ABLIM2: variants seen among roughly 807,000 people sequenced by gnomAD.
The protein encoded by ABLIM2 is actin-binding LIM protein 2.
A neutral mutation model predicts 97.7 loss-of-function variants in ABLIM2; 53 were observed. The observed-to-expected ratio is 0.54, with a 90% CI of 0.44 to 0.68. The LOEUF is 0.68. Ranked by LOEUF, ABLIM2 falls within the 30% of genes least tolerant of loss-of-function variation. The pLI is 0.00. For synonymous variants in ABLIM2, 361 were observed against 345.8 expected (o/e 1.04, Z -0.49); for missense variants, 835 against 867.2 (o/e 0.96, Z 0.47).
chr4:8,120,100 C>T lies in ABLIM2; in HGVS notation c.11-13463G>A, dbSNP rs564415778. Among the ~76,000 whole-genome samples, 75 of 152,266 alleles carry T rather than the reference C, an allele frequency of 4.9e-4. No homozygotes were observed. The highest frequency in any genetic ancestry group is 1.7e-3 in the African/African-American group (71 of 41,538). Reference sequence around the variant, plus strand: ...CGGGCGGCAGGGTCCCTGGCGGCCCCCAGAGCCTGAGAGGAGCCTCTCCTC... The same window carrying T: ...CGGGCGGCAGGGTCCCTGGCGGCCCTCAGAGCCTGAGAGGAGCCTCTCCTC... On this transcript the variant is annotated intron_variant, in intron 1 of 20. Transcript: ENST00000447017. The surrounding 1 kb of genome is among the most constrained non-coding windows in gnomAD (Gnocchi z 5.6).
rs888217540 is a variant in ABLIM2 at position 8,125,878 on chromosome 4, C to G, written c.11-19241G>C. On this transcript the variant is annotated intron_variant, in intron 1 of 20. Transcript: ENST00000447017. The surrounding 1 kb of genome is among the most constrained non-coding windows in gnomAD (Gnocchi z 6.2). The stretch of plus-strand genomic sequence containing the variant: ...CTGGGCAGGAGGGCGAACTCACACT[C>G]GGCTGTGCGTGGGCAGCCTTGGGGG... 6.6e-6 allele frequency among the ~76,000 whole-genome samples: 1 copy of G among 152,210 alleles called. No individual in the cohort carries two copies. The highest frequency in any genetic ancestry group is 1.5e-5 in the Non-Finnish European group (1 of 68,034).
In ABLIM2 at chr4:8,130,987, T is replaced by G. The variant is rs1040531073; in HGVS notation, c.11-24350A>C. The stretch of plus-strand genomic sequence containing the variant: ...ACCTCGCCCTGCTCTTGGGGCAGCC[T>G]GCATTTCCTGGTGATGGCAGCATCA... On this transcript the variant is annotated intron_variant, in intron 1 of 20. Transcript: ENST00000447017. This position sits in a 1 kb window ranked among gnomAD's most constrained non-coding sequence, Gnocchi z 4.2. Among the ~76,000 whole-genome samples the G allele has an allele frequency of 6.6e-6, 1 of 152,136 alleles. No individual in the cohort carries two copies. Among genetic ancestry groups the G allele is most frequent in the African/African-American group, 2.4e-5 (1 of 41,422 alleles).
At chr4:8,092,218 G>A (rs1232333348) in intron 3 of ABLIM2, among the ~76,000 whole-genome samples, 3 of 151,580 alleles carry the variant, frequency 2.0e-5, no homozygotes, top group Admixed American at 6.6e-5. Context: ...GGCTGGTCTC[G>A]AACTCCTGAC....
At chr4:8,045,553 G>A (rs1791764878) in intron 8 of ABLIM2, among the ~76,000 whole-genome samples, 1 of 152,190 alleles carries the variant, frequency 6.6e-6, no homozygotes, top group Non-Finnish European at 1.5e-5. Flanking sequence ...GGAGGCTGAG[G>A]CAGGAGAATC....
chr4:8,146,575 T>G (rs1412336070), intron 1 of ABLIM2, among the ~76,000 whole-genome samples: 11 of 152,236 alleles, frequency 7.2e-5, no homozygotes, highest in Admixed American at 2.0e-4. Context: ...GGTCTCACCG[T>G]GCCACCCAGG....
chr4:8,029,235 CTT>C (rs962054843), intron 11 of ABLIM2, among the ~76,000 whole-genome samples: 1 of 152,242 alleles, frequency 6.6e-6, no homozygotes, highest in African/African-American at 2.4e-5. Flanking sequence ...CCACCACTGA[CTT>C]TGCTTTCCCA....
At chr4:8,006,937 T>G in intron 16 of ABLIM2, 1 of 768,944 alleles carries the variant, frequency 1.3e-6, no homozygotes, top group Non-Finnish European at 1.6e-6. Context: ...GGGATCCTGG[T>G]ATTTACAAAG....
intron 1 of ABLIM2, among the ~76,000 whole-genome samples, chr4:8,107,887 C>T (rs1362069786): frequency 6.6e-6 from 1 of 152,166 alleles, no homozygotes; most frequent in South Asian, 2.1e-4. Flanking sequence ...GGAGGCGTGA[C>T]TGTGGAAGAA....
intron 17 of ABLIM2, among the ~76,000 whole-genome samples, chr4:7,985,360 T>C (rs527733819): frequency 2.0e-5 from 3 of 152,200 alleles, no homozygotes; most frequent in Non-Finnish European, 4.4e-5. Context: ...TAGAACCTGC[T>C]GTCCCAGGTG....
Position 7,996,451 on chromosome 4 carries a change from C to T in ABLIM2, c.1619-3524G>A, listed in dbSNP as rs116477842. ...CCGGTCTCAACTTTTAACCACTTCA[C>T]ATGCAGGTGGAAACCTTGCTTCCGC... is the stretch of plus-strand genomic sequence containing the variant. On this transcript the variant is annotated intron_variant, in intron 16 of 20. Transcript: ENST00000447017. This position sits in a 1 kb window ranked among gnomAD's most constrained non-coding sequence, Gnocchi z 4.5. Among the ~76,000 whole-genome samples, 1,012 of 152,320 alleles carry T rather than the reference C, an allele frequency of 6.6e-3. 10 individuals carry two copies. Among genetic ancestry groups the T allele is most frequent in the African/African-American group, 0.023 (967 of 41,582 alleles).
rs572870790 is a variant in ABLIM2, at chr4:8,125,278, C to T, written c.11-18641G>A. On this transcript the variant is annotated intron_variant, in intron 1 of 20. Transcript: ENST00000447017. This position sits in a 1 kb window ranked among gnomAD's most constrained non-coding sequence, Gnocchi z 6.2. ...GGGCTTTGGTGTCTTTTCTAAGAAA[C>T]CATCGCCTGATCCACCGTCATGAAG... Among the ~76,000 whole-genome samples the T allele has an allele frequency of 3.9e-5, 6 of 152,300 alleles. No individual in the cohort carries two copies. Among genetic ancestry groups the T allele is most frequent in the African/African-American group, 1.4e-4 (6 of 41,570 alleles).
intron 20 of ABLIM2, among the ~76,000 whole-genome samples, chr4:7,973,982 C>T (rs1730481308): frequency 6.6e-6 from 1 of 152,220 alleles, no homozygotes; most frequent in Admixed American, 6.5e-5. Flanking sequence ...CTCATGAAGT[C>T]TGTTGGCAGC....
intron 10 of ABLIM2, among the ~76,000 whole-genome samples, 171 bp from the exon 11 acceptor site, chr4:8,029,947 G>A (rs1779818570): frequency 6.6e-6 from 1 of 152,210 alleles, no homozygotes; most frequent in Non-Finnish European, 1.5e-5. Context: ...GAAGAGCCGA[G>A]TGGGGCTGGT....
intron 1 of ABLIM2, among the ~76,000 whole-genome samples, chr4:8,151,700 T>A (rs750403776): frequency 4.0e-5 from 6 of 151,896 alleles, no homozygotes; most frequent in Non-Finnish European, 8.8e-5. Context: ...TTTTTACAGA[T>A]GGGTACACTG....
At chr4:8,000,697 G>C (rs543520447) in intron 16 of ABLIM2, among the ~76,000 whole-genome samples, 1 of 152,258 alleles carries the variant, frequency 6.6e-6, no homozygotes, top group African/African-American at 2.4e-5. Context: ...TGCTGCTCAG[G>C]GAGCTGTCCC....
At position 8,069,381 on chromosome 4, in the gene ABLIM2, C is replaced by T. The variant is rs1810231650; in HGVS notation, c.675+8247G>A. 6.6e-6 allele frequency among the ~76,000 whole-genome samples: 1 copy of T among 152,252 alleles called. No individual in the cohort carries two copies. Among genetic ancestry groups the T allele is most frequent in the Admixed American group, 6.5e-5 (1 of 15,290 alleles). ...CGCCTGTGGATGTTCACACGCACTGCAGCGTGTCCAGGCTCGGAGGGTCCC... is the reference window on the plus strand; with the variant it reads ...CGCCTGTGGATGTTCACACGCACTGTAGCGTGTCCAGGCTCGGAGGGTCCC... On this transcript the variant is annotated intron_variant, in intron 6 of 20. Transcript: ENST00000447017. This position sits in a 1 kb window ranked among gnomAD's most constrained non-coding sequence, Gnocchi z 4.2.
intron 3 of ABLIM2, among the ~76,000 whole-genome samples, chr4:8,089,350 G>A (rs1825805909): frequency 6.6e-6 from 1 of 152,164 alleles, no homozygotes; most frequent in African/African-American, 2.4e-5. Context: ...CAGCCACCGG[G>A]CCACTTTCCT....
intron 8 of ABLIM2, among the ~76,000 whole-genome samples, chr4:8,048,370 C>T (rs923841886): frequency 4.6e-5 from 7 of 152,242 alleles, no homozygotes; most frequent in African/African-American, 1.7e-4. Context: ...CACCTGGCTC[C>T]AATCCCCACC....
intron 16 of ABLIM2, among the ~76,000 whole-genome samples, chr4:7,997,355 C>T (rs150883480): frequency 8.5e-5 from 13 of 152,300 alleles, no homozygotes; most frequent in African/African-American, 2.9e-4. Context: ...CAGGCATGAG[C>T]CACTGCGCCC....
Sources: gnomAD v4.1 joint callset for allele counts (sites outside exome capture counted in the v4.1 genomes callset) on GRCh38, gnomAD v4.1.1 for gene constraint, Gnocchi (gnomAD v3.1) non-coding constraint, MANE v1.5 for transcripts, NCBI Gene and HGNC (gene_info 2026-07-23, HGNC 2026-07-21) for gene names.